Variants in ADAMTS6 observed in about 807,000 individuals in gnomAD.
ADAMTS6 encodes A disintegrin and metalloproteinase with thrombospondin motifs 6.
A neutral mutation model predicts 144.3 loss-of-function variants in ADAMTS6; 23 were observed. That is an observed-to-expected ratio of 0.16 (90% CI 0.11 to 0.23). ADAMTS6 has a LOEUF of 0.23. Ranked by LOEUF, ADAMTS6 falls within the 10% of genes least tolerant of loss-of-function variation. ADAMTS6 has a pLI of 1.00. For missense variants in ADAMTS6, 999 were observed against 1,379.6 expected (o/e 0.72, Z 4.37); for synonymous variants, 444 against 457.5 (o/e 0.97, Z 0.38).
At chr5:65,288,951 T>C (rs559221853) in intron 11 of ADAMTS6, among the ~76,000 whole-genome samples, 7 of 152,322 alleles carry the variant, frequency 4.6e-5, no homozygotes, top group South Asian at 2.1e-4. Flanking sequence ...TAAACCAGCG[T>C]AGATTTGTGT....
chr5:65,368,256 C>T (rs891060617), intron 7 of ADAMTS6, among the ~76,000 whole-genome samples: 2 of 152,180 alleles, frequency 1.3e-5, no homozygotes, highest in African/African-American at 4.8e-5. Context: ...TTTAAATGAT[C>T]ATTTCACCAG....
intron 9 of ADAMTS6, among the ~76,000 whole-genome samples, chr5:65,320,538 C>A (rs965858809): frequency 4.6e-5 from 7 of 151,120 alleles, no homozygotes; most frequent in Admixed American, 1.3e-4. Context: ...AATAGAAAAA[C>A]CATTTTATTT....
At chr5:65,380,770 T>C (rs1200228427) in intron 7 of ADAMTS6, among the ~76,000 whole-genome samples, 2 of 152,364 alleles carry the variant, frequency 1.3e-5, no homozygotes, top group Non-Finnish European at 2.9e-5. Flanking sequence ...GCTTCTGGAA[T>C]GTATAGCTTT....
At chr5:65,178,721 C>T (rs145923808) in intron 22 of ADAMTS6, among the ~76,000 whole-genome samples, 213 of 152,290 alleles carry the variant, frequency 1.4e-3, no homozygotes, top group African/African-American at 3.6e-3. Flanking sequence ...TTGGGCAAAA[C>T]CTGAATATAA....
At chr5:65,180,565 T>G (rs1754285633) in intron 22 of ADAMTS6, among the ~76,000 whole-genome samples, 1 of 152,148 alleles carries the variant, frequency 6.6e-6, no homozygotes, top group African/African-American at 2.4e-5. Context: ...CAGACAAACA[T>G]CATTTCCCAT....
intron 7 of ADAMTS6, among the ~76,000 whole-genome samples, chr5:65,373,746 T>C (rs562504279): frequency 9.1e-4 from 138 of 152,268 alleles, no homozygotes; most frequent in African/African-American, 3.1e-3. Context: ...GAATCCTCCG[T>C]AACTCATTTT....
chr5:65,354,513 C>T (rs956370782), intron 7 of ADAMTS6, among the ~76,000 whole-genome samples: 1 of 151,548 alleles, frequency 6.6e-6, no homozygotes, highest in African/African-American at 2.4e-5. Context: ...ATTATTGTTG[C>T]TTTTGTTAAT....
At chr5:65,450,511 A>T (rs1193837237) in intron 7 of ADAMTS6, among the ~76,000 whole-genome samples, 1 of 152,136 alleles carries the variant, frequency 6.6e-6, no homozygotes, top group African/African-American at 2.4e-5. Context: ...TAACCATCAT[A>T]CCAAAGACTA....
intron 14 of ADAMTS6, among the ~76,000 whole-genome samples, chr5:65,253,812 CTTTTTTTTTTTTTTTT>C (rs759508097): frequency 3.3e-4 from 22 of 67,000 alleles, no homozygotes; most frequent in African/African-American, 9.7e-4. Context: ...AATATTCAAT[CTTTTTTTTTTTTTTTT>C]TTTTTTTTTT....
intron 11 of ADAMTS6, among the ~76,000 whole-genome samples, chr5:65,275,392 AAAG>A (rs1762418865): frequency 1.4e-5 from 2 of 147,176 alleles, no homozygotes; most frequent in East Asian, 1.9e-4. Context: ...AGAAAGAAAG[AAAG>A]AAAGAAAGAA....
chr5:65,451,380 C>G (rs1482023224), intron 7 of ADAMTS6, 95 bp downstream of exon 7: 1 of 1,411,756 alleles, frequency 7.1e-7, no homozygotes, highest in Non-Finnish European at 9.8e-7. Context: ...TTTCTCTATA[C>G]TCATTATCTG....
At chr5:65,234,341 A>C (rs140600924) in intron 15 of ADAMTS6, among the ~76,000 whole-genome samples, 15 of 152,076 alleles carry the variant, frequency 9.9e-5, no homozygotes, top group Admixed American at 7.2e-4. Context: ...CAAAATGAAA[A>C]GGCAATCCAC....
intron 9 of ADAMTS6, among the ~76,000 whole-genome samples, chr5:65,319,696 A>AGGG (rs1561418325): frequency 3.8e-5 from 2 of 52,790 alleles, no homozygotes; most frequent in African/African-American, 1.4e-4. Context: ...GGAAGGAAGG[A>AGGG]AGGGAGGGAG....
In ADAMTS6 at chr5:65,151,240, G is replaced by A. The variant is rs921526876; in HGVS notation, c.*596C>T. 1 of 152,620 alleles carries A rather than the reference G, an allele frequency of 6.6e-6. No individual in the cohort carries two copies. Among genetic ancestry groups the A allele is most frequent in the African/African-American group, 2.4e-5 (1 of 41,410 alleles). 9.5% of individuals were successfully genotyped at this position (152,620 alleles called of 1,614,324 possible). A position where few individuals can be genotyped will look rare whatever the true frequency, so the allele number is the denominator to read the frequency against. On this transcript the variant is annotated 3_prime_UTR_variant, in exon 25 of 25. Coordinates refer to ENST00000381055, the MANE Select transcript of ADAMTS6 (RefSeq NM_197941.4). ...TCAGAACCAGGGGATTATTCCTAAG[G>A]AAATTAAGTGGAATGAAGAAAAATA... is the stretch of plus-strand genomic sequence containing the variant.
At chr5:65,434,801 G>A (rs1482038502) in intron 7 of ADAMTS6, among the ~76,000 whole-genome samples, 1 of 152,128 alleles carries the variant, frequency 6.6e-6, no homozygotes, top group African/African-American at 2.4e-5. Flanking sequence ...ATGTGAATTG[G>A]TAAAATCACA....
At chr5:65,277,157 A>T (rs1415371797) in intron 11 of ADAMTS6, among the ~76,000 whole-genome samples, 1 of 152,190 alleles carries the variant, frequency 6.6e-6, no homozygotes, top group African/African-American at 2.4e-5. Flanking sequence ...CTCTAATGTT[A>T]TGGGGTCAAC....
intron 7 of ADAMTS6, among the ~76,000 whole-genome samples, chr5:65,424,691 G>A (rs1025591071): frequency 2.0e-5 from 3 of 151,906 alleles, no homozygotes; most frequent in South Asian, 4.1e-4. Context: ...GGCAAAAATG[G>A]TCTGTTTAGA....
intron 7 of ADAMTS6, among the ~76,000 whole-genome samples, chr5:65,346,474 A>G (rs1748326948): frequency 6.6e-6 from 1 of 151,884 alleles, no homozygotes; most frequent in African/African-American, 2.4e-5. Context: ...AAAGAAATGT[A>G]TCTCAACACA....
At chr5:65,372,626 A>G (rs929918719) in intron 7 of ADAMTS6, among the ~76,000 whole-genome samples, 22 of 151,948 alleles carry the variant, frequency 1.4e-4, no homozygotes, top group African/African-American at 5.1e-4. Flanking sequence ...AGTGACCTAC[A>G]AAGAGACTTA....
Sources: gnomAD v4.1 joint callset for allele counts (sites outside exome capture counted in the v4.1 genomes callset) on GRCh38, gnomAD v4.1.1 for gene constraint, MANE v1.5 for transcripts, NCBI Gene and HGNC (gene_info 2026-07-23, HGNC 2026-07-21) for gene names.